PPIP5K1: variants seen among roughly 807,000 people sequenced by gnomAD.
PPIP5K1 encodes diphosphoinositol pentakisphosphate kinase 1.
PPIP5K1 carries 6 observed loss-of-function variants against 27.7 expected under a neutral mutation model. That is an observed-to-expected ratio of 0.22 (90% confidence interval 0.12 to 0.43). The LOEUF (loss-of-function observed/expected upper bound fraction) is 0.43, where lower values mean the gene tolerates loss of function less well. Ranked by LOEUF, PPIP5K1 falls within the 20% of genes least tolerant of loss-of-function variation. The probability of loss-of-function intolerance (pLI) is 1.00; values close to 1 mark genes in which losing one functional copy is unlikely to be tolerated. For synonymous variants in PPIP5K1, 145 were observed against 242.6 expected (o/e 0.60, Z 3.74); for missense variants, 394 against 635.4 (o/e 0.62, Z 4.08).
rs756785532 is a variant in PPIP5K1, at chr15:43,558,821, G to C, written c.3530C>G (p.Thr1177Ser). ...TGCAGATGCCTGTGCCTGGGCATCA[G>C]TGTGGCGCTGGCAGACTCTACTCAA... ...EFLSRVCQRH[T>S]DAQAQASAAL... The change falls in exon 30 of 32, where the codon ACT (threonine) becomes AGT (serine). Residue 1177 changes from threonine to serine, a missense_variant. Transcript: ENST00000420765. 12 of 1,614,110 alleles carry C rather than the reference G, an allele frequency of 7.4e-6. No individual in the cohort carries two copies. The highest frequency in any genetic ancestry group is 1.7e-4 in the Middle Eastern group (1 of 6,054).
intron 29 of PPIP5K1, among the ~76,000 whole-genome samples, chr15:43,559,931 G>A (rs1448685023): frequency 3.3e-5 from 5 of 151,732 alleles, no homozygotes; most frequent in Admixed American, 6.6e-5. Context: ...ACTAAAGCCC[G>A]TAACTCAAAA....
intron 29 of PPIP5K1, among the ~76,000 whole-genome samples, chr15:43,559,469 G>A (rs2083495165): frequency 6.6e-6 from 1 of 152,174 alleles, no homozygotes; most frequent in Non-Finnish European, 1.5e-5. Flanking sequence ...GCAAACTGGA[G>A]GGCATGCAAT....
chr15:43,537,787 C>T lies in PPIP5K1; in HGVS notation c.3670+1683G>A, dbSNP rs117244646. 8.7e-3 allele frequency among the ~76,000 whole-genome samples: 1,298 copies of T among 148,760 alleles called. 10 individuals are homozygous for T. The highest frequency in any genetic ancestry group is 0.015 in the Non-Finnish European group (1,008 of 67,562). ...AGAGATGTGGAGCCTATTTCTGATG[C>T]AGACATACAGACCCTAAAGAAGACG... On this transcript the variant is annotated intron_variant, in intron 31 of 31. Transcript: ENST00000420765.
chr15:43,549,027 CAAAAAAAAAAAAAAAA>C (rs1160828750), intron 30 of PPIP5K1, among the ~76,000 whole-genome samples: 5 of 28,676 alleles, frequency 1.7e-4, no homozygotes, highest in South Asian at 1.8e-3. Context: ...GACTCCATCT[CAAAAAAAAAAAAAAAA>C]AAAAAAAAAA....
At chr15:43,545,477 T>C (rs987367160) in intron 30 of PPIP5K1, among the ~76,000 whole-genome samples, 6 of 148,592 alleles carry the variant, frequency 4.0e-5, no homozygotes, top group Non-Finnish European at 7.5e-5. Context: ...TACACTTCTT[T>C]TTTTTTTTTT....
At position 43,535,199 on chromosome 15, in the gene PPIP5K1, C is replaced by T. The variant is rs142711505; in HGVS notation, c.3948G>A (p.Gln1316=). The T allele has an allele frequency of 1.7e-4, 268 of 1,614,218 alleles. No individual in the cohort carries two copies. In the African/African-American group the frequency reaches 1.7e-3, roughly 10 times the overall value. ...ATGGCTGGCTGATGTCAGGGACCTC[C>T]TGACATGGCTGGCTGACCTCCTCGT... ...QPYEEVSQPC[Q]EVPDISQPCQ... Residue 1316 remains glutamine, a synonymous_variant, in exon 32 of 32, where the codon CAG becomes CAA. Transcript: ENST00000420765.
chr15:43,586,690 T>G, intron 1 of PPIP5K1, among the ~76,000 whole-genome samples: 1 of 104,730 alleles, frequency 9.5e-6, no homozygotes, highest in Non-Finnish European at 2.0e-5. Context: ...AGCAAAACCC[T>G]GCCTCAAATA....
chr15:43,559,040 T>A, intron 29 of PPIP5K1, 108 bp from the exon 30 acceptor site: 1 of 1,393,286 alleles, frequency 7.2e-7, no homozygotes, highest in Non-Finnish European at 9.9e-7. Context: ...GTCCGTGGCT[T>A]TTGGAGTGTT....
At chr15:43,544,305 T>C (rs2081118665) in intron 30 of PPIP5K1, among the ~76,000 whole-genome samples, 1 of 152,246 alleles carries the variant, frequency 6.6e-6, no homozygotes, top group African/African-American at 2.4e-5. Context: ...ATCTTGTTTT[T>C]TTCACTTAAT....
chr15:43,545,195 A>G (rs1391689615), intron 30 of PPIP5K1, among the ~76,000 whole-genome samples: 1 of 151,406 alleles, frequency 6.6e-6, no homozygotes, highest in Admixed American at 6.6e-5. Context: ...AAAAAAAAAA[A>G]GTGGATTATT....
chr15:43,555,806 G>A lies in PPIP5K1; in HGVS notation c.3556+2989C>T, dbSNP rs554395852. On this transcript the variant is annotated intron_variant, in intron 30 of 31. Transcript: ENST00000420765. Reference sequence around the variant, plus strand: ...ATTTTAGTAGAGACGAGGTTTCACCGTATCACCCAGGCTGGTCTCGAACTT... The same window carrying A: ...ATTTTAGTAGAGACGAGGTTTCACCATATCACCCAGGCTGGTCTCGAACTT... Among the ~76,000 whole-genome samples the A allele has an allele frequency of 6.0e-5, 9 of 149,558 alleles. No homozygotes were observed. The South Asian group carries it at 1.1e-3, about 18-fold the overall frequency.
intron 30 of PPIP5K1, among the ~76,000 whole-genome samples, chr15:43,546,877 T>C (rs2081435344): frequency 1.3e-5 from 2 of 152,042 alleles, no homozygotes; most frequent in Non-Finnish European, 1.5e-5. Context: ...CAGGCTGGTC[T>C]TGAACTCCTG....
At chr15:43,549,047 AAAAAAAAAAATATATATAT>A (rs1422570958) in intron 30 of PPIP5K1, among the ~76,000 whole-genome samples, 1 of 82,938 alleles carries the variant, frequency 1.2e-5, no homozygotes, top group African/African-American at 9.4e-5. Flanking sequence ...AAAAAAAAAA[AAAAAAAAAAATATATATAT>A]ATATATATAT....
intron 30 of PPIP5K1, among the ~76,000 whole-genome samples, chr15:43,541,194 G>A (rs1200332386): frequency 6.6e-6 from 1 of 151,982 alleles, no homozygotes; most frequent in Admixed American, 6.6e-5. Context: ...GCTCACTGCC[G>A]TCTTGACCTC....
chr15:43,557,217 G>T (rs1258729357), intron 30 of PPIP5K1, among the ~76,000 whole-genome samples: 3 of 152,090 alleles, frequency 2.0e-5, no homozygotes, highest in Non-Finnish European at 4.4e-5. Context: ...AACCCAAGGG[G>T]GGGTGGATCA....
At chr15:43,557,307 C>T (rs1042898217) in intron 30 of PPIP5K1, among the ~76,000 whole-genome samples, 11 of 152,090 alleles carry the variant, frequency 7.2e-5, no homozygotes, top group African/African-American at 2.7e-4. Context: ...ATTAGCCAGG[C>T]ATGGTGGCTT....
chr15:43,558,648 C>T lies in PPIP5K1; in HGVS notation c.3556+147G>A, dbSNP rs547703929. 274 of 1,156,240 alleles carry T rather than the reference C, an allele frequency of 2.4e-4. 1 individual carries two copies. The South Asian group carries it at 3.7e-3, about 15-fold the overall frequency. 71.6% of individuals were successfully genotyped at this position (1,156,240 alleles called of 1,614,324 possible). A position where few individuals can be genotyped will look rare whatever the true frequency, so the allele number is the denominator to read the frequency against. On this transcript the variant is annotated intron_variant, in intron 30 of 31. Transcript: ENST00000420765. Reference sequence around the variant, plus strand: ...CTGGGATAACAGACATGAACCACTGCGCCCAGCCAGCAATTATACATTTTT... The same window carrying T: ...CTGGGATAACAGACATGAACCACTGTGCCCAGCCAGCAATTATACATTTTT...
At chr15:43,579,537 ATATG>A (rs1361281812) in intron 10 of PPIP5K1, among the ~76,000 whole-genome samples, 6 of 90,910 alleles carry the variant, frequency 6.6e-5, no homozygotes, top group East Asian at 4.0e-4. Context: ...ATAGATGCAC[ATATG>A]TATGTGTATA....
intron 30 of PPIP5K1, among the ~76,000 whole-genome samples, chr15:43,547,705 A>G (rs2081548348): frequency 6.6e-6 from 1 of 152,212 alleles, no homozygotes; most frequent in South Asian, 2.1e-4. Context: ...CTAGTGGTCT[A>G]TATGTTTATA....
Sources: allele counts gnomAD v4.1 joint callset (sites outside exome capture counted in the v4.1 genomes callset), GRCh38; gene constraint gnomAD v4.1.1; transcripts MANE v1.5; gene names NCBI Gene and HGNC (gene_info 2026-07-23, HGNC 2026-07-21).